Variants in FOXJ3 observed in about 807,000 individuals in gnomAD.
FOXJ3 encodes the protein forkhead box protein J3.
A neutral mutation model predicts 76.1 loss-of-function variants in FOXJ3; 22 were observed. The observed-to-expected ratio is 0.29, with a 90% CI of 0.21 to 0.41. The LOEUF (loss-of-function observed/expected upper bound fraction) is 0.41, where lower values mean the gene tolerates loss of function less well. Among genes scored for constraint, FOXJ3 ranks in the 10% least tolerant of loss-of-function variants. The probability of loss-of-function intolerance (pLI) is 1.00; values close to 1 mark genes in which losing one functional copy is unlikely to be tolerated. For missense variants in FOXJ3, 613 were observed against 762.1 expected (o/e 0.80, Z 2.30); for synonymous variants, 269 against 261.2 (o/e 1.03, Z -0.29).
intron 2 of FOXJ3, among the ~76,000 whole-genome samples, chr1:42,279,632 G>A (rs1652548691): frequency 6.6e-6 from 1 of 152,064 alleles, no homozygotes; most frequent in Non-Finnish European, 1.5e-5. Context: ...AAGAATTGAA[G>A]ATAAGAATAT....
intron 4 of FOXJ3, among the ~76,000 whole-genome samples, chr1:42,248,149 T>C (rs944556059): frequency 1.3e-5 from 2 of 152,214 alleles, no homozygotes; most frequent in Non-Finnish European, 2.9e-5. Context: ...GGTTTCTTTT[T>C]GGGAGGGATG....
At chr1:42,285,036 T>C (rs537003416) in intron 2 of FOXJ3, among the ~76,000 whole-genome samples, 1 of 152,348 alleles carries the variant, frequency 6.6e-6, no homozygotes, top group African/African-American at 2.4e-5. Context: ...TGTCACAAAG[T>C]TAGTATTTTG....
intron 4 of FOXJ3, among the ~76,000 whole-genome samples, chr1:42,248,737 T>C (rs1377865392): frequency 5.5e-5 from 8 of 145,634 alleles, no homozygotes; most frequent in South Asian, 2.2e-4. Flanking sequence ...TTTCTTTTTT[T>C]TTTTTTTTTT....
rs377147205 is a variant in FOXJ3, at chr1:42,194,472, G to A, written c.934+418C>T. 1.8e-4 allele frequency among the ~76,000 whole-genome samples: 28 copies of A among 152,296 alleles called. No individual in the cohort carries two copies. In the East Asian group the frequency reaches 3.1e-3, roughly 17 times the overall value. On this transcript the variant is annotated intron_variant, in intron 8 of 12. Transcript: ENST00000361346. ...CCACACTCAAAATCACAAATTTGGC[G>A]CTACCACATTCCGATAGTTATCTCT...
intron 4 of FOXJ3, among the ~76,000 whole-genome samples, chr1:42,231,882 T>C (rs1345577355): frequency 3.3e-5 from 5 of 152,182 alleles, no homozygotes; most frequent in Non-Finnish European, 1.5e-5. Context: ...TGTGCCATGT[T>C]GGTGTGCTGC....
At chr1:42,311,650 A>AGTAGTAGTAGTAGTAGTAGT (rs1553169329) in intron 1 of FOXJ3, among the ~76,000 whole-genome samples, 8 of 149,414 alleles carry the variant, frequency 5.4e-5, no homozygotes, top group African/African-American at 2.0e-4. Flanking sequence ...TTTAAAAAAA[A>AGTAGTAGTAGTAGTAGTAGT]AGTAGTAGTA....
At chr1:42,256,745 C>T (rs1557679216) in intron 4 of FOXJ3, among the ~76,000 whole-genome samples, 1 of 152,208 alleles carries the variant, frequency 6.6e-6, no homozygotes, top group Admixed American at 6.5e-5. Flanking sequence ...AAAATGAAAG[C>T]ATGTCCACAG....
At chr1:42,195,096 C>A in intron 7 of FOXJ3, 32 bp from the exon 8 acceptor site, 1 of 1,518,106 alleles carries the variant, frequency 6.6e-7, no homozygotes, top group Non-Finnish European at 8.9e-7. Flanking sequence ...ACTAATTCAG[C>A]CTCTCTACTA....
intron 5 of FOXJ3, among the ~76,000 whole-genome samples, chr1:42,216,483 A>AGT (rs1557644646): frequency 6.6e-6 from 1 of 150,960 alleles, no homozygotes; most frequent in African/African-American, 2.4e-5. Flanking sequence ...GCGCCACTGC[A>AGT]CTCCAGCCTG....
chr1:42,312,998 T>C, intron 1 of FOXJ3, among the ~76,000 whole-genome samples: 1 of 152,186 alleles, frequency 6.6e-6, no homozygotes, highest in East Asian at 1.9e-4. Flanking sequence ...TTCCCTGATA[T>C]TTCACAACCA....
rs1359869340 is a variant in FOXJ3, at chr1:42,205,850, T to C, written c.542A>G (p.Tyr181Cys). Reference protein sequence around the residue: ...ARSVERASTPYSIDSDSLGME... With the variant: ...ARSVERASTPCSIDSDSLGME... ...TCCCAAAGAATCTGAATCTATGCTA[T>C]ATGGAGTTGAGGCCTAAAATACAAG... The change falls in exon 6 of 13, where the codon TAT becomes TGT. Residue 181 changes from tyrosine to cysteine, a missense_variant. Around this residue, in one of 3 missense-constraint regions of FOXJ3, gnomAD observed 526 missense variants for 601.4 expected, o/e 0.87. Transcript: ENST00000361346. The C allele has an allele frequency of 1.0e-5, 16 of 1,605,468 alleles. No individual in the cohort carries two copies. The highest frequency in any genetic ancestry group is 1.4e-5 in the Non-Finnish European group (16 of 1,173,136).
At chr1:42,263,440 C>T (rs1371601940) in intron 4 of FOXJ3, among the ~76,000 whole-genome samples, 2 of 152,140 alleles carry the variant, frequency 1.3e-5, no homozygotes, top group Non-Finnish European at 2.9e-5. Context: ...CATATATACT[C>T]ATTGCCTATA....
intron 4 of FOXJ3, among the ~76,000 whole-genome samples, chr1:42,251,149 C>G (rs1248795755): frequency 1.3e-5 from 2 of 152,002 alleles, no homozygotes; most frequent in African/African-American, 2.4e-5. Context: ...AAATTGCTGA[C>G]ATCCAAAGAA....
chr1:42,334,176 G>A, intron 1 of FOXJ3: 1 of 952,110 alleles, frequency 1.1e-6, no homozygotes, highest in Non-Finnish European at 1.3e-6. Flanking sequence ...CTATAATTAA[G>A]CAACAGAGAA....
At chr1:42,293,638 C>T (rs1653587410) in intron 2 of FOXJ3, among the ~76,000 whole-genome samples, 1 of 152,172 alleles carries the variant, frequency 6.6e-6, no homozygotes, top group Non-Finnish European at 1.5e-5. Flanking sequence ...GCTTCCAATC[C>T]AGTCTCACGA....
At chr1:42,258,936 C>T (rs1306448577) in intron 4 of FOXJ3, among the ~76,000 whole-genome samples, 1 of 152,148 alleles carries the variant, frequency 6.6e-6, no homozygotes, top group Non-Finnish European at 1.5e-5. Flanking sequence ...AGTGTTATAG[C>T]TCAATATCTG....
chr1:42,190,120 A>T (rs1219711814), intron 9 of FOXJ3, among the ~76,000 whole-genome samples: 1 of 152,230 alleles, frequency 6.6e-6, no homozygotes, highest in Non-Finnish European at 1.5e-5. Context: ...AAGACTCCAT[A>T]ATCTGTATGT....
intron 1 of FOXJ3, among the ~76,000 whole-genome samples, chr1:42,332,908 T>C (rs527416285): frequency 4.6e-5 from 7 of 152,330 alleles, no homozygotes; most frequent in Admixed American, 1.3e-4. Flanking sequence ...AAGGAGAAGT[T>C]TGATGCAGTT....
At chr1:42,277,999 AT>A (rs1652418259) in intron 3 of FOXJ3, among the ~76,000 whole-genome samples, 1 of 150,354 alleles carries the variant, frequency 6.7e-6, no homozygotes, top group African/African-American at 2.5e-5. Context: ...AAAAAAAAAA[AT>A]CTTGACTGAT....
Sources: gnomAD v4.1 joint callset for allele counts (sites outside exome capture counted in the v4.1 genomes callset) on GRCh38, gnomAD v4.1.1 for gene constraint, gnomAD v4.1.1 regional missense constraint, MANE v1.5 for transcripts, NCBI Gene and HGNC (gene_info 2026-07-23, HGNC 2026-07-21) for gene names.